Variants in ANKFN1 observed in about 807,000 individuals in gnomAD.
ANKFN1 encodes the protein ankyrin repeat and fibronectin type III domain containing 1, also known as ankyrin repeat and fibronectin type-III domain-containing protein 1.
ANKFN1 carries 74 observed loss-of-function variants against 108.7 expected under a neutral mutation model. The observed-to-expected ratio is 0.68, with a 90% CI of 0.56 to 0.83. The LOEUF is 0.83. Among genes scored for constraint, ANKFN1 ranks in the 40% least tolerant of loss-of-function variants. The pLI is 0.00. For missense variants in ANKFN1, 1,505 were observed against 1,382.3 expected (o/e 1.09, Z -1.41); for synonymous variants, 547 against 516.2 (o/e 1.06, Z -0.81).
intron 1 of ANKFN1, among the ~76,000 whole-genome samples, chr17:56,202,795 C>CA (rs1253723484): frequency 2.0e-5 from 3 of 152,106 alleles, no homozygotes; most frequent in East Asian, 1.9e-4. Context: ...TGGAACTGTT[C>CA]AAAAAGGTTT....
chr17:56,456,664 G>A (rs1309552641), intron 11 of ANKFN1, among the ~76,000 whole-genome samples, 197 bp from the exon 12 acceptor site: 1 of 151,876 alleles, frequency 6.6e-6, no homozygotes, highest in Non-Finnish European at 1.5e-5. Context: ...CCAAAGTACT[G>A]GGATTACCAG....
chr17:56,461,899 G>A (rs111394736), intron 14 of ANKFN1, among the ~76,000 whole-genome samples: 452 of 152,302 alleles, frequency 3.0e-3, no homozygotes, highest in Middle Eastern at 0.01. Flanking sequence ...TCACAGAAAT[G>A]TTTTGTAGTT....
Position 56,094,679 on chromosome 17 carries a change from T to TG in ANKFN1, c.288+48354_288+48355insG, listed in dbSNP as rs1555593334. Among the ~76,000 whole-genome samples the TG allele has an allele frequency of 1.5e-4, 21 of 135,564 alleles. 2 individuals are homozygous for TG. The highest frequency in any genetic ancestry group is 5.0e-4 in the African/African-American group (18 of 35,900). The allele number at this position is 135,564 out of a possible 152,430, so 88.9% of individuals were successfully genotyped here. A position where few individuals can be genotyped will look rare whatever the true frequency, so the allele number is the denominator to read the frequency against. ...CCACCACGCCCAGCTAATTGGGTTT[T>TG]TTTTTTTTTTTTTTGTATTTTTAGT... is the stretch of plus-strand genomic sequence containing the variant. On this transcript the variant is annotated intron_variant, in intron 4 of 12. Transcript: ENST00000635860.
intron 1 of ANKFN1, among the ~76,000 whole-genome samples, chr17:56,208,116 T>A (rs1285786567): frequency 1.3e-5 from 2 of 152,164 alleles, no homozygotes; most frequent in Non-Finnish European, 2.9e-5. Flanking sequence ...CTCAAGCAAT[T>A]CTCCTGCCTC....
intron 4 of ANKFN1, among the ~76,000 whole-genome samples, chr17:56,145,671 G>A (rs1355401324): frequency 3.3e-5 from 5 of 152,096 alleles, no homozygotes; most frequent in Admixed American, 2.6e-4. Flanking sequence ...GGTGAAATTT[G>A]GGTGGACACA....
intron 3 of ANKFN1, among the ~76,000 whole-genome samples, chr17:56,269,944 G>A (rs533561196): frequency 6.6e-6 from 1 of 152,242 alleles, no homozygotes; most frequent in East Asian, 1.9e-4. Context: ...GACATCCAAC[G>A]CACATGTTTC....
At position 56,511,115 on chromosome 17, in the gene ANKFN1, C is replaced by G; in HGVS notation, c.3287C>G (p.Ala1096Gly). ...CGCCGCCTCTACGTGGAGCCCTACG[C>G]AGCGGCCGTGGTGGCCCAGGACGAA... ...SVRRLYVEPY[A>G]AAVVAQDEKP... Residue 1096 changes from alanine (A) to glycine (G), a missense_variant, in exon 21 of 21, where the codon GCA (alanine) becomes GGA (glycine). Coordinates refer to ENST00000682825, the MANE Select transcript of ANKFN1 (RefSeq NM_001370326.1). The G allele has an allele frequency of 1.3e-6, 2 of 1,536,000 alleles. No homozygotes were observed. The highest frequency in any genetic ancestry group is 1.7e-6 in the Non-Finnish European group (2 of 1,146,854).
chr17:56,372,912 A>G (rs2046849534), intron 7 of ANKFN1, 72 bp downstream of exon 7: 2 of 1,499,824 alleles, frequency 1.3e-6, no homozygotes, highest in Non-Finnish European at 1.8e-6. Flanking sequence ...GTCTTCTTTT[A>G]CAGATTTTTT....
chr17:56,401,088 A>T (rs1369540292), intron 8 of ANKFN1, among the ~76,000 whole-genome samples: 2 of 152,148 alleles, frequency 1.3e-5, no homozygotes, highest in East Asian at 3.8e-4. Flanking sequence ...TTGGTTCCAC[A>T]TGAATTTTAT....
At chr17:56,207,428 G>A (rs564377406) in intron 1 of ANKFN1, among the ~76,000 whole-genome samples, 25 of 152,272 alleles carry the variant, frequency 1.6e-4, no homozygotes, top group South Asian at 1.2e-3. Context: ...TCCAACTGAA[G>A]CTCTTACGGA....
At chr17:56,301,656 A>G (rs529994767) in intron 3 of ANKFN1, among the ~76,000 whole-genome samples, 39 of 152,340 alleles carry the variant, frequency 2.6e-4, no homozygotes, top group African/African-American at 6.7e-4. Context: ...GAAGACACAG[A>G]GCTTTGAAGG....
At chr17:56,137,944 A>C (rs1189895520) in intron 4 of ANKFN1, among the ~76,000 whole-genome samples, 1 of 152,206 alleles carries the variant, frequency 6.6e-6, no homozygotes, top group Non-Finnish European at 1.5e-5. Flanking sequence ...AAGAGAGGGA[A>C]AAAATAGATG....
intron 4 of ANKFN1, among the ~76,000 whole-genome samples, chr17:56,126,294 G>A (rs56335503): frequency 0.39 from 51,912 of 134,340 alleles, 9,599 homozygotes; most frequent in East Asian, 0.58. Flanking sequence ...AAAAAAAAAG[G>A]GGGGGCTATT....
intron 5 of ANKFN1, 39 bp downstream of exon 5, chr17:56,351,006 A>T: frequency 1.9e-6 from 3 of 1,590,978 alleles, no homozygotes; most frequent in Non-Finnish European, 2.6e-6. Context: ...AGTTTGATTT[A>T]TTCATTTATG....
intron 2 of ANKFN1, among the ~76,000 whole-genome samples, chr17:56,220,809 A>G (rs1051685808): frequency 1.0e-3 from 57 of 56,428 alleles, no homozygotes; most frequent in African/African-American, 3.2e-3. Flanking sequence ...GGAGGGAGGG[A>G]GGAAGGAAGG....
At chr17:56,217,136 C>G (rs1427694031) in intron 2 of ANKFN1, among the ~76,000 whole-genome samples, 3 of 152,126 alleles carry the variant, frequency 2.0e-5, no homozygotes, top group African/African-American at 7.2e-5. Flanking sequence ...GAATACGAAG[C>G]ATCCCTGTCA....
chr17:56,311,141 T>G (rs11870367), intron 3 of ANKFN1, among the ~76,000 whole-genome samples: 11,855 of 151,788 alleles, frequency 0.078, 483 homozygotes, highest in East Asian at 0.16. Flanking sequence ...TCTCTCTCTC[T>G]CTCGCTCACT....
chr17:56,222,494 G>A (rs1915957990), intron 2 of ANKFN1, among the ~76,000 whole-genome samples: 1 of 152,204 alleles, frequency 6.6e-6, no homozygotes, highest in Admixed American at 6.5e-5. Context: ...AATCAGAACA[G>A]GTGGCTGTCT....
intron 4 of ANKFN1, among the ~76,000 whole-genome samples, chr17:56,333,341 C>T (rs2045717643): frequency 6.6e-6 from 1 of 151,980 alleles, no homozygotes; most frequent in Admixed American, 6.6e-5. Context: ...CCCTTACATT[C>T]CTGAAAGATT....
Sources: allele counts gnomAD v4.1 joint callset (sites outside exome capture counted in the v4.1 genomes callset), GRCh38; gene constraint gnomAD v4.1.1; transcripts MANE v1.5; gene names NCBI Gene and HGNC (gene_info 2026-07-23, HGNC 2026-07-21).